CMYA5: variants seen among roughly 807,000 people sequenced by gnomAD.
CMYA5 encodes the protein cardiomyopathy-associated protein 5.
A neutral mutation model predicts 318.9 loss-of-function variants in CMYA5; 246 were observed. The ratio of observed to expected loss-of-function variants is 0.77; its 90% confidence interval spans 0.70 to 0.86. The LOEUF (loss-of-function observed/expected upper bound fraction) is 0.86, where lower values mean the gene tolerates loss of function less well. Among genes scored for constraint, CMYA5 ranks in the 40% least tolerant of loss-of-function variants. CMYA5 has a pLI of 0.00. For missense variants in CMYA5, 4,589 were observed against 4,678.2 expected (o/e 0.98, Z 0.56); for synonymous variants, 1,641 against 1,729.5 (o/e 0.95, Z 1.27).
At position 79,730,409 on chromosome 5, in the gene CMYA5, A is replaced by G. The variant is rs749019404; in HGVS notation, c.1644A>G (p.Pro548=). The G allele has an allele frequency of 1.2e-5, 20 of 1,613,870 alleles. No homozygotes were observed. In the South Asian group the frequency reaches 1.5e-4, roughly 12 times the overall value. The part of the protein sequence containing the change: ...ESPLVSEKPF[P]PHMSPEVEHK... ...CATTGGTTTCCGAGAAGCCCTTCCC[A>G]CCACATATGTCCCCTGAAGTGGAGC... is the stretch of plus-strand genomic sequence containing the variant. The change falls in exon 2 of 13, where the codon CCA becomes CCG. Residue 548 remains proline (P), a synonymous_variant. Transcript: ENST00000446378.
intron 6 of CMYA5, among the ~76,000 whole-genome samples, chr5:79,756,607 C>G (rs1006986409): frequency 6.6e-6 from 1 of 152,220 alleles, no homozygotes; most frequent in Non-Finnish European, 1.5e-5. Context: ...AGTCCATGAA[C>G]TTGACCCTTC....
Position 79,730,090 on chromosome 5 carries a change from G to C in CMYA5, c.1325G>C (p.Gly442Ala). 6.2e-7 allele frequency: 1 copy of C among 1,613,716 alleles called. No homozygotes were observed. Among genetic ancestry groups the C allele is most frequent in the Non-Finnish European group, 8.5e-7 (1 of 1,179,874 alleles). ...HSISLEAASP[G>A]LAASTQDGLD... The stretch of plus-strand genomic sequence containing the variant: ...ATTTCTCTGGAGGCAGCGTCACCAG[G>C]TCTGGCAGCATCTACCCAGGATGGT... Residue 442 changes from glycine to alanine, a missense_variant, in exon 2 of 13, where the codon GGT becomes GCT. This residue lies in a region of CMYA5 where 2,132 missense variants were observed against 2,131.3 expected (regional missense o/e 1.00). Coordinates refer to ENST00000446378, the MANE Select transcript of CMYA5 (RefSeq NM_153610.5).
In CMYA5 at chr5:79,741,621, G is replaced by A. The variant is rs568515552; in HGVS notation, c.10639-2206G>A. ...CAACTTCTTTTGTGAAATCTCAGAC[G>A]TCACATGCATGAGCTACAGTGGAAG... On this transcript the variant is annotated intron_variant, in intron 2 of 12. Coordinates refer to ENST00000446378, the MANE Select transcript of CMYA5 (RefSeq NM_153610.5). 3.0e-4 allele frequency among the ~76,000 whole-genome samples: 45 copies of A among 152,176 alleles called. No homozygotes were observed. The East Asian group carries it at 6.6e-3, about 22-fold the overall frequency.
At chr5:79,756,315 A>G (rs1167084646) in intron 6 of CMYA5, among the ~76,000 whole-genome samples, 1 of 152,166 alleles carries the variant, frequency 6.6e-6, no homozygotes, top group Non-Finnish European at 1.5e-5. Flanking sequence ...GTGGCTTTCC[A>G]GATGATGGGT....
intron 1 of CMYA5, among the ~76,000 whole-genome samples, chr5:79,697,475 G>A (rs1827089781): frequency 6.6e-6 from 1 of 152,252 alleles, no homozygotes. Context: ...TGAGTGAACA[G>A]AGGCCCAGAT....
At chr5:79,717,331 G>T (rs1827538070) in intron 1 of CMYA5, among the ~76,000 whole-genome samples, 1 of 152,160 alleles carries the variant, frequency 6.6e-6, no homozygotes, top group South Asian at 2.1e-4. Flanking sequence ...AACACTAAGG[G>T]ACATTGATTC....
chr5:79,743,475 A>C (rs1376803390), intron 2 of CMYA5, among the ~76,000 whole-genome samples: 1 of 152,194 alleles, frequency 6.6e-6, no homozygotes, highest in Non-Finnish European at 1.5e-5. Context: ...CTCTCTCAGA[A>C]CATATAAAAA....
At chr5:79,756,027 G>GT (rs1828521342) in intron 6 of CMYA5, among the ~76,000 whole-genome samples, 1 of 152,214 alleles carries the variant, frequency 6.6e-6, no homozygotes, top group South Asian at 2.1e-4. Flanking sequence ...CATGCCTCAA[G>GT]TAATTCTCAA....
Position 79,732,261 on chromosome 5 carries a change from C to A in CMYA5, c.3496C>A (p.Pro1166Thr). Reference protein sequence around the residue: ...QSSIVKEETKPASPHSVLPDS... With the variant: ...QSSIVKEETKTASPHSVLPDS... ...ATCTATAGTAAAGGAAGAAACCAAA[C>A]CTGCATCTCCACATTCAGTTTTACC... is the stretch of plus-strand genomic sequence containing the variant. The change falls in exon 2 of 13, where the codon CCT becomes ACT. Residue 1166 changes from proline (P) to threonine (T), a missense_variant. Physicochemically the swap from Pro to Thr is conservative, Grantham distance 38. Around this residue, in one of 3 missense-constraint regions of CMYA5, gnomAD observed 2,132 missense variants for 2,131.3 expected, o/e 1.00. Transcript: ENST00000446378. 1 of 1,613,898 alleles carries A rather than the reference C, an allele frequency of 6.2e-7. No individual in the cohort carries two copies. The highest frequency in any genetic ancestry group is 8.5e-7 in the Non-Finnish European group (1 of 1,179,854).
intron 1 of CMYA5, among the ~76,000 whole-genome samples, chr5:79,717,083 T>C (rs1235158469): frequency 6.6e-6 from 1 of 152,196 alleles, no homozygotes; most frequent in African/African-American, 2.4e-5. Context: ...ACCACTCCTG[T>C]TAGCAGGCTG....
chr5:79,754,822 A>G (rs1274326984), intron 6 of CMYA5, among the ~76,000 whole-genome samples: 1 of 151,732 alleles, frequency 6.6e-6, no homozygotes, highest in African/African-American at 2.4e-5. Flanking sequence ...TTAAACACTA[A>G]CTCTCCATAT....
In CMYA5 at chr5:79,730,913, C is replaced by T. The variant is rs749988768; in HGVS notation, c.2148C>T (p.Asp716=). 69 of 1,613,878 alleles carry T rather than the reference C, an allele frequency of 4.3e-5. No individual in the cohort carries two copies. Among genetic ancestry groups the T allele is most frequent in the South Asian group, 3.8e-4 (35 of 91,080 alleles). Reference sequence around the variant, plus strand: ...AAGAGTCACTGAAGAAAACAATTGACCGTAAGTCCCCGTTAATATTGAAAG... The same window carrying T: ...AAGAGTCACTGAAGAAAACAATTGATCGTAAGTCCCCGTTAATATTGAAAG... ...ATKESLKKTI[D]RKSPLILKGV... The change falls in exon 2 of 13, where the codon GAC becomes GAT. Residue 716 remains aspartate (D), a synonymous_variant. Coordinates refer to ENST00000446378, the MANE Select transcript of CMYA5 (RefSeq NM_153610.5).
At chr5:79,794,216 C>T in intron 12 of CMYA5, among the ~76,000 whole-genome samples, 1 of 152,252 alleles carries the variant, frequency 6.6e-6, no homozygotes, top group East Asian at 1.9e-4. Context: ...ATTGCAGAAA[C>T]ACAGTCATGC....
chr5:79,693,211 T>C (rs956963804), intron 1 of CMYA5, among the ~76,000 whole-genome samples: 1 of 152,218 alleles, frequency 6.6e-6, no homozygotes, highest in African/African-American at 2.4e-5. Context: ...GGAGAACTTT[T>C]GTGAAAGGCA....
chr5:79,748,086 A>G (rs1330736197), intron 5 of CMYA5, among the ~76,000 whole-genome samples: 1 of 152,182 alleles, frequency 6.6e-6, no homozygotes, highest in Non-Finnish European at 1.5e-5. Flanking sequence ...AAATAATTTG[A>G]CTTATTGACA....
Position 79,730,196 on chromosome 5 carries a change from T to C in CMYA5, c.1431T>C (p.His477=). The change falls in exon 2 of 13, where the codon CAT becomes CAC. Residue 477 remains histidine (H), a synonymous_variant. Coordinates refer to ENST00000446378, the MANE Select transcript of CMYA5 (RefSeq NM_153610.5). ...TCTCCGCAAAACTGACCCCTACCCA[T>C]CCCAGTGTCAAAGGAGAGAAGGAGG... is the stretch of plus-strand genomic sequence containing the variant. ...EPVSAKLTPT[H]PSVKGEKEEN... 6.2e-7 allele frequency: 1 copy of C among 1,613,840 alleles called. No individual in the cohort carries two copies. Among genetic ancestry groups the C allele is most frequent in the Non-Finnish European group, 8.5e-7 (1 of 1,179,848 alleles).
In CMYA5 at chr5:79,738,421, C is replaced by T; in HGVS notation, c.9656C>T (p.Ser3219Phe). The T allele has an allele frequency of 6.2e-7, 1 of 1,613,708 alleles. No homozygotes were observed. The highest frequency in any genetic ancestry group is 8.5e-7 in the Non-Finnish European group (1 of 1,179,824). Residue 3219 changes from serine (S) to phenylalanine (F), a missense_variant, in exon 2 of 13, where the codon TCT (serine) becomes TTT (phenylalanine). Ser to Phe is a radical substitution (Grantham distance 155). This residue lies in a region of CMYA5 where 2,431 missense variants were observed against 2,495.1 expected (regional missense o/e 0.97). Transcript: ENST00000446378. ...GCTTCTGAAGGTGACAGTGTGAATT[C>T]TGAGGCATCATTTCCCAGCAGAAAT... The part of the protein sequence containing the change: ...ETASEGDSVN[S>F]EASFPSRNSD...
rs139186257 is a variant in CMYA5 at position 79,729,298 on chromosome 5, C to T, written c.533C>T (p.Thr178Ile). Reference sequence around the variant, plus strand: ...TTAACTTCAGCAAGCCAGGTACTAACCACGGAGAAAGAGAAGTCATATACT... The same window carrying T: ...TTAACTTCAGCAAGCCAGGTACTAATCACGGAGAAAGAGAAGTCATATACT... Reference protein sequence around the residue: ...SPLTSASQVLTTEKEKSYTGI... With the variant: ...SPLTSASQVLITEKEKSYTGI... Residue 178 changes from threonine (T) to isoleucine (I), a missense_variant, in exon 2 of 13, where the codon ACC (threonine) becomes ATC (isoleucine). Physicochemically the swap from Thr to Ile is moderately conservative, Grantham distance 89. Around this residue, in one of 3 missense-constraint regions of CMYA5, gnomAD observed 2,132 missense variants for 2,131.3 expected, o/e 1.00. Transcript: ENST00000446378. 29 of 1,610,924 alleles carry T rather than the reference C, an allele frequency of 1.8e-5. No individual in the cohort carries two copies. In the African/African-American group the frequency reaches 3.7e-4, roughly 21 times the overall value.
chr5:79,706,535 G>T (rs770038969), intron 1 of CMYA5, among the ~76,000 whole-genome samples: 2 of 152,146 alleles, frequency 1.3e-5, no homozygotes, highest in Non-Finnish European at 2.9e-5. Context: ...GCCTAGAAGA[G>T]TCATGGCAAG....
Sources: allele counts gnomAD v4.1 joint callset (sites outside exome capture counted in the v4.1 genomes callset), GRCh38; gene constraint gnomAD v4.1.1; regional missense constraint gnomAD v4.1.1; transcripts MANE v1.5; gene names NCBI Gene and HGNC (gene_info 2026-07-23, HGNC 2026-07-21).